Variants in JPH3 observed in about 807,000 individuals in gnomAD.
The protein encoded by JPH3 is junctophilin 3.
JPH3 carries 11 observed loss-of-function variants against 59.6 expected under a neutral mutation model. That is an observed-to-expected ratio of 0.18 (90% CI 0.12 to 0.31). The LOEUF (loss-of-function observed/expected upper bound fraction) is 0.31. Among genes scored for constraint, JPH3 ranks in the 10% least tolerant of loss-of-function variants. The probability of loss-of-function intolerance (pLI) is 1.00; values close to 1 mark genes in which losing one functional copy is unlikely to be tolerated. For missense variants in JPH3, 1,202 were observed against 1,105.7 expected, an observed-to-expected ratio of 1.09 and a Z score of -1.24; for synonymous variants, 673 against 483.6, an observed-to-expected ratio of 1.39 and a Z score of -5.14.
At position 87,659,374 on chromosome 16, in the gene JPH3, C is replaced by CAAAAAAAAAAAAAAAAAAAAA. The variant is rs1354448370; in HGVS notation, c.1160+14351_1160+14352insAAAAAAAAAAAAAAAAAAAAA. On this transcript the variant is annotated intron_variant, in intron 2 of 4. Transcript: ENST00000284262. The stretch of plus-strand genomic sequence containing the variant: ...CCTGGGTGACAGAGTAAGACTGTCT[C>CAAAAAAAAAAAAAAAAAAAAA]AAAAAAAAAAAAGAAAAAAAAAAAG... Among the ~76,000 whole-genome samples the CAAAAAAAAAAAAAAAAAAAAA allele has an allele frequency of 1.1e-3, 82 of 74,490 alleles. 6 individuals carry two copies. The highest frequency in any genetic ancestry group is 1.4e-3 in the East Asian group (4 of 2,766). 48.9% of individuals were successfully genotyped at this position (74,490 alleles called of 152,430 possible).
intron 2 of JPH3, among the ~76,000 whole-genome samples, chr16:87,671,482 G>A (rs2033013711): frequency 6.6e-6 from 1 of 152,216 alleles, no homozygotes; most frequent in Non-Finnish European, 1.5e-5. Flanking sequence ...GGCGGCCGCT[G>A]TGCCTGCTCC....
chr16:87,644,457 G>C lies in JPH3; in HGVS notation c.582G>C (p.Gly194=). 1.2e-6 allele frequency: 2 copies of C among 1,612,520 alleles called. No homozygotes were observed. The highest frequency in any genetic ancestry group is 4.5e-5 in the East Asian group (2 of 44,858). The part of the protein sequence containing the change: ...AVAGSPAVSR[G]GFVLVAHSDS... The stretch of plus-strand genomic sequence containing the variant: ...CCGGCAGCCCGGCCGTGTCCCGCGG[G>C]GGCTTCGTGCTCGTGGCCCACAGTG... The change falls in exon 2 of 5, where the codon GGG becomes GGC. Residue 194 remains glycine, a synonymous_variant. Coordinates refer to ENST00000284262, the MANE Select transcript of JPH3 (RefSeq NM_020655.4).
rs115539840 is a variant in JPH3, at chr16:87,653,302, T to C, written c.1160+8267T>C. Among the ~76,000 whole-genome samples, 329 of 152,334 alleles carry C rather than the reference T, an allele frequency of 2.2e-3. 1 individual carries two copies. Among genetic ancestry groups the C allele is most frequent in the African/African-American group, 7.6e-3 (314 of 41,576 alleles). ...CGTGTGCCTGCCCCAAGCTGGGGTCTGTGAGCTGTGCCTTGGGGCCCCTGC... is the reference window on the plus strand; with the variant it reads ...CGTGTGCCTGCCCCAAGCTGGGGTCCGTGAGCTGTGCCTTGGGGCCCCTGC... On this transcript the variant is annotated intron_variant, in intron 2 of 4. Coordinates refer to ENST00000284262, the MANE Select transcript of JPH3 (RefSeq NM_020655.4).
At chr16:87,629,998 G>A (rs2031512954) in intron 1 of JPH3, among the ~76,000 whole-genome samples, 1 of 152,264 alleles carries the variant, frequency 6.6e-6, no homozygotes, top group East Asian at 1.9e-4. Flanking sequence ...AAAAGAAAAA[G>A]TTAAAAAAAG....
intron 2 of JPH3, among the ~76,000 whole-genome samples, chr16:87,659,378 AAAAAAAAAG>A (rs1341488973): frequency 2.3e-4 from 29 of 125,516 alleles, no homozygotes; most frequent in Middle Eastern, 3.7e-3. Context: ...CTGTCTCAAA[AAAAAAAAAG>A]AAAAAAAAAA....
chr16:87,645,024 C>A lies in JPH3; in HGVS notation c.1149C>A (p.Ile383=), dbSNP rs140186033. The A allele has an allele frequency of 5.6e-6, 9 of 1,602,370 alleles. No individual in the cohort carries two copies. The East Asian group carries it at 6.7e-5, about 12-fold the overall frequency. ...CCATCGCCAAGCAGAAGGCTGAGAT[C>A]GCGGCTTCCAGGTAGGAGGGCGAGG... ...AATIAKQKAE[I]AASRTSHSRA... is the part of the protein sequence containing the mutation. Residue 383 remains isoleucine, a synonymous_variant, in exon 2 of 5, where the codon ATC becomes ATA. Coordinates refer to ENST00000284262, the MANE Select transcript of JPH3 (RefSeq NM_020655.4).
chr16:87,617,126 G>C (rs1182991523), intron 1 of JPH3, among the ~76,000 whole-genome samples: 1 of 152,198 alleles, frequency 6.6e-6, no homozygotes, highest in Non-Finnish European at 1.5e-5. Context: ...CGGAGGCTGA[G>C]GCAGGAGAAT....
chr16:87,643,047 C>A (rs1218831087), intron 1 of JPH3, among the ~76,000 whole-genome samples: 3 of 152,170 alleles, frequency 2.0e-5, no homozygotes, highest in Non-Finnish European at 4.4e-5. Flanking sequence ...TCAACACTGA[C>A]CCCACAACCC....
chr16:87,652,799 T>C (rs991107701), intron 2 of JPH3, among the ~76,000 whole-genome samples: 1 of 152,250 alleles, frequency 6.6e-6, no homozygotes. Flanking sequence ...CTGATGTCCC[T>C]GTCTGTGATT....
chr16:87,678,367 T>C (rs185288166), intron 2 of JPH3, among the ~76,000 whole-genome samples: 190 of 152,224 alleles, frequency 1.2e-3, no homozygotes, highest in Non-Finnish European at 2.3e-3. Context: ...GACAAAACCC[T>C]GTCTCTACTA....
chr16:87,641,001 C>G (rs1306965142), intron 1 of JPH3, among the ~76,000 whole-genome samples: 2 of 152,226 alleles, frequency 1.3e-5, no homozygotes, highest in African/African-American at 4.8e-5. Flanking sequence ...CAACCCCAGC[C>G]TGGAAGGGCG....
chr16:87,616,697 CGGATATTGACGT>C (rs2030984058), intron 1 of JPH3, among the ~76,000 whole-genome samples: 1 of 152,128 alleles, frequency 6.6e-6, no homozygotes, highest in Non-Finnish European at 1.5e-5. Context: ...ATGTCGGAAC[CGGATATTGACGT>C]GGACACAGTC....
intron 4 of JPH3, among the ~76,000 whole-genome samples, chr16:87,691,572 C>T (rs1483085599): frequency 6.6e-6 from 1 of 152,094 alleles, no homozygotes; most frequent in African/African-American, 2.4e-5. Flanking sequence ...TGCCCCTGAC[C>T]TAGGGGAGCT....
chr16:87,665,694 G>T (rs981996059), intron 2 of JPH3, among the ~76,000 whole-genome samples: 1 of 152,222 alleles, frequency 6.6e-6, no homozygotes, highest in African/African-American at 2.4e-5. Context: ...CAACAACCAC[G>T]GCTCAGCATG....
intron 2 of JPH3, among the ~76,000 whole-genome samples, chr16:87,652,177 G>A (rs552356101): frequency 7.9e-5 from 12 of 152,104 alleles, no homozygotes; most frequent in Non-Finnish European, 1.2e-4. Flanking sequence ...GGGTTTCACC[G>A]TATTAGCTAG....
At chr16:87,653,235 C>G (rs944952843) in intron 2 of JPH3, among the ~76,000 whole-genome samples, 7 of 152,218 alleles carry the variant, frequency 4.6e-5, no homozygotes, top group Non-Finnish European at 1.0e-4. Flanking sequence ...GATGCCTGCT[C>G]TGAAAGGGGC....
At chr16:87,657,922 G>C (rs2032560719) in intron 2 of JPH3, among the ~76,000 whole-genome samples, 1 of 152,210 alleles carries the variant, frequency 6.6e-6, no homozygotes, top group Admixed American at 6.5e-5. Flanking sequence ...GGAGGAGCTG[G>C]TGGCTGCCAG....
At chr16:87,642,217 G>T (rs148529109) in intron 1 of JPH3, among the ~76,000 whole-genome samples, 2 of 151,474 alleles carry the variant, frequency 1.3e-5, no homozygotes, top group African/African-American at 2.4e-5. Context: ...GGTGTGGGGC[G>T]TGTGAGTGGA....
intron 2 of JPH3, among the ~76,000 whole-genome samples, chr16:87,669,978 C>T (rs371803849): frequency 1.2e-4 from 19 of 152,188 alleles, no homozygotes; most frequent in African/African-American, 4.6e-4. Flanking sequence ...GCCGTGGGGG[C>T]GGGGGTAATC....
Sources: gnomAD v4.1 joint callset for allele counts (sites outside exome capture counted in the v4.1 genomes callset) on GRCh38, gnomAD v4.1.1 for gene constraint, MANE v1.5 for transcripts, NCBI Gene and HGNC (gene_info 2026-07-23, HGNC 2026-07-21) for gene names.